The following SLC35F3 variants were observed in gnomAD, a reference collection of about 807,000 sequenced individuals.
SLC35F3 encodes putative thiamine transporter SLC35F3.
A neutral mutation model predicts 49.9 loss-of-function variants in SLC35F3; 25 were observed. The observed-to-expected ratio is 0.50, with a 90% CI of 0.37 to 0.70. The LOEUF is 0.70. Ranked by LOEUF, SLC35F3 falls within the 30% of genes least tolerant of loss-of-function variation. SLC35F3 has a pLI of 0.00. For synonymous variants in SLC35F3, 275 were observed against 265.4 expected (o/e 1.04, Z -0.35); for missense variants, 525 against 639.8 (o/e 0.82, Z 1.94).
At chr1:234,117,955 T>C (rs1208210727) in intron 2 of SLC35F3, among the ~76,000 whole-genome samples, 1 of 141,144 alleles carries the variant, frequency 7.1e-6, no homozygotes, top group Non-Finnish European at 1.5e-5. Context: ...TGTGTGTGTG[T>C]GTGTGTGTGT....
chr1:234,043,989 A>T (rs1191768394), intron 2 of SLC35F3, among the ~76,000 whole-genome samples: 1 of 152,150 alleles, frequency 6.6e-6, no homozygotes, highest in African/African-American at 2.4e-5. Context: ...TTTAGTTGCC[A>T]ATGTAACAGT....
At chr1:234,213,039 C>G (rs1306995521) in intron 2 of SLC35F3, 3 of 152,192 alleles carry the variant, frequency 2.0e-5, no homozygotes, top group Non-Finnish European at 4.4e-5. Flanking sequence ...TTCATTACAG[C>G]TGTTCAAGAG....
chr1:234,278,525 A>G (rs950162126), intron 3 of SLC35F3, among the ~76,000 whole-genome samples: 1 of 152,052 alleles, frequency 6.6e-6, no homozygotes, highest in South Asian at 2.1e-4. Context: ...AAGAGAAAAA[A>G]CTAAAGCTGA....
At chr1:234,248,247 T>G (rs57078481) in intron 3 of SLC35F3, among the ~76,000 whole-genome samples, 12 of 57,602 alleles carry the variant, frequency 2.1e-4, no homozygotes, top group East Asian at 1.6e-3. Flanking sequence ...GGGTCGGTTG[T>G]TTGGTCCATT....
intron 3 of SLC35F3, chr1:234,274,066 A>C (rs951226062): frequency 6.6e-6 from 1 of 152,274 alleles, no homozygotes; most frequent in African/African-American, 2.4e-5. Flanking sequence ...TATGGTCTCC[A>C]TAGCTTGATT....
intron 2 of SLC35F3, among the ~76,000 whole-genome samples, chr1:233,948,161 C>T (rs1365226178): frequency 6.7e-6 from 1 of 150,092 alleles, no homozygotes; most frequent in African/African-American, 2.5e-5. Context: ...GGGCATGTGT[C>T]CATACTCCCT....
In SLC35F3 at chr1:234,148,372, G is replaced by C. The variant is rs994918373; in HGVS notation, c.284-83045G>C. Among the ~76,000 whole-genome samples, 6 of 152,162 alleles carry C rather than the reference G, an allele frequency of 3.9e-5. No individual in the cohort carries two copies. In the East Asian group the frequency reaches 1.2e-3, roughly 29 times the overall value. On this transcript the variant is annotated intron_variant, in intron 2 of 7. Coordinates refer to ENST00000366618, the MANE Select transcript of SLC35F3 (RefSeq NM_173508.4). Reference sequence around the variant, plus strand: ...ACTTCTTTACCTTTATTCTTCCAGAGCTGTTTTGCAGGGAAAGAGCAACAG... The same window carrying C: ...ACTTCTTTACCTTTATTCTTCCAGACCTGTTTTGCAGGGAAAGAGCAACAG...
intron 3 of SLC35F3, among the ~76,000 whole-genome samples, chr1:234,266,897 T>TTTA (rs1384173146): frequency 3.4e-5 from 5 of 146,848 alleles, no homozygotes; most frequent in African/African-American, 1.3e-4. Context: ...TTTTTTTTTT[T>TTTA]ATTGATCATT....
chr1:234,069,041 T>C (rs1477968387), intron 2 of SLC35F3, among the ~76,000 whole-genome samples: 1 of 114,138 alleles, frequency 8.8e-6, no homozygotes, highest in African/African-American at 3.6e-5. Context: ...AATTATATAA[T>C]TTTATATATA....
chr1:234,134,091 T>C (rs1665774119), intron 2 of SLC35F3, among the ~76,000 whole-genome samples: 1 of 152,178 alleles, frequency 6.6e-6, no homozygotes, highest in Non-Finnish European at 1.5e-5. Flanking sequence ...CATGGAGAGC[T>C]TTAAATGCCA....
intron 3 of SLC35F3, among the ~76,000 whole-genome samples, chr1:234,248,282 C>T (rs1201176852): frequency 7.0e-6 from 1 of 143,870 alleles, no homozygotes; most frequent in African/African-American, 2.6e-5. Context: ...TTGGCTGGTC[C>T]ATTGTTTGGT....
Position 233,904,904 on chromosome 1 carries a change from G to A in SLC35F3, c.-174G>A. On this transcript the variant is annotated 5_prime_UTR_variant, in exon 1 of 8. Transcript: ENST00000366618. ...GCATCGTGCCGCACGCCGCGGAGGC[G>A]CTCGGGTACAGACCGCGCGGGCGCG... 1.9e-6 allele frequency: 1 copy of A among 517,954 alleles called. No individual in the cohort carries two copies. The highest frequency in any genetic ancestry group is 3.1e-6 in the Non-Finnish European group (1 of 321,442). 32.1% of individuals were successfully genotyped at this position (517,954 alleles called of 1,614,324 possible).
Position 233,933,071 on chromosome 1 carries a change from A to C in SLC35F3, c.283+27313A>C, listed in dbSNP as rs76612837. Reference sequence around the variant, plus strand: ...AAAAAAAAACTATGACCATGGTAAAAATAATCAGGACTTTGTATATGCTAT... The same window carrying C: ...AAAAAAAAACTATGACCATGGTAAACATAATCAGGACTTTGTATATGCTAT... On this transcript the variant is annotated intron_variant, in intron 2 of 7. Transcript: ENST00000366618. 2.0e-5 allele frequency among the ~76,000 whole-genome samples: 3 copies of C among 151,194 alleles called. No individual in the cohort carries two copies. In the East Asian group the frequency reaches 5.8e-4, roughly 29 times the overall value.
intron 2 of SLC35F3, among the ~76,000 whole-genome samples, chr1:234,090,325 C>T (rs760162628): frequency 3.9e-5 from 6 of 152,268 alleles, no homozygotes; most frequent in East Asian, 1.9e-4. Flanking sequence ...CGTGATACTA[C>T]GGGAAGGTGC....
intron 2 of SLC35F3, among the ~76,000 whole-genome samples, chr1:234,181,809 T>C (rs1666561550): frequency 6.6e-6 from 1 of 152,268 alleles, no homozygotes; most frequent in Non-Finnish European, 1.5e-5. Flanking sequence ...GTTTCTTTTT[T>C]AGGATAATTC....
chr1:234,215,519 C>T (rs1389429595), intron 2 of SLC35F3, among the ~76,000 whole-genome samples: 2 of 152,174 alleles, frequency 1.3e-5, no homozygotes, highest in Admixed American at 1.3e-4. Context: ...CCCAGGAGCT[C>T]CCCTCTAGGC....
chr1:234,210,806 G>A (rs1434235766), intron 2 of SLC35F3, among the ~76,000 whole-genome samples: 1 of 152,246 alleles, frequency 6.6e-6, no homozygotes, highest in African/African-American at 2.4e-5. Context: ...CATTTTCCGG[G>A]GAGAAATTCA....
intron 3 of SLC35F3, among the ~76,000 whole-genome samples, chr1:234,279,095 T>C (rs907851354): frequency 6.6e-6 from 1 of 152,154 alleles, no homozygotes; most frequent in East Asian, 1.9e-4. Context: ...TCAATCAATA[T>C]ATGTAAGATG....
chr1:234,172,978 G>A (rs1666423441), intron 2 of SLC35F3, among the ~76,000 whole-genome samples: 1 of 152,124 alleles, frequency 6.6e-6, no homozygotes, highest in Non-Finnish European at 1.5e-5. Context: ...CATCATCCCT[G>A]ACCTTAGGGC....
Sources: allele counts gnomAD v4.1 joint callset (sites outside exome capture counted in the v4.1 genomes callset), GRCh38; gene constraint gnomAD v4.1.1; transcripts MANE v1.5; gene names NCBI Gene and HGNC (gene_info 2026-07-23, HGNC 2026-07-21).